The following PLPP1 variants were observed in gnomAD, a reference collection of about 807,000 sequenced individuals.
PLPP1 encodes lipid phosphate phosphohydrolase 1a.
In PLPP1, 24 loss-of-function variants were observed where a neutral mutation model predicts 31.2. That is an observed-to-expected ratio of 0.77 (90% CI 0.56 to 1.08). The LOEUF (loss-of-function observed/expected upper bound fraction) is 1.08, where lower values mean the gene tolerates loss of function less well. Among genes scored for constraint, PLPP1 ranks in the 50% least tolerant of loss-of-function variants. PLPP1 has a pLI of 0.00. For synonymous variants in PLPP1, 146 were observed against 126.3 expected, an observed-to-expected ratio of 1.16 and a Z score of -1.05; for missense variants, 319 against 342.7, an observed-to-expected ratio of 0.93 and a Z score of 0.55.
At chr5:55,527,814 G>A (rs143502466) in intron 1 of PLPP1, among the ~76,000 whole-genome samples, 120 of 149,426 alleles carry the variant, frequency 8.0e-4, no homozygotes, top group African/African-American at 2.8e-3. Flanking sequence ...CTGGCAGAGA[G>A]GGCCATTATT....
intron 2 of PLPP1, among the ~76,000 whole-genome samples, chr5:55,474,927 GTTT>G (rs200581100): frequency 5.3e-5 from 8 of 151,630 alleles, no homozygotes; most frequent in East Asian, 3.9e-4. Context: ...TTCTTTTCGT[GTTT>G]TTTTTCTGTT....
intron 2 of PLPP1, among the ~76,000 whole-genome samples, chr5:55,469,340 T>C (rs1752371344): frequency 6.6e-6 from 1 of 151,634 alleles, no homozygotes; most frequent in African/African-American, 2.4e-5. Flanking sequence ...ATACAAAAAA[T>C]TAGCCAGGAG....
intron 1 of PLPP1, among the ~76,000 whole-genome samples, chr5:55,533,755 A>G (rs1421613351): frequency 6.6e-6 from 1 of 152,230 alleles, no homozygotes; most frequent in East Asian, 1.9e-4. Flanking sequence ...ACAATACATA[A>G]AAAGTGAAAA....
rs746883824 is a variant in PLPP1, at chr5:55,447,642, C to T, written c.492-5734G>A. Among the ~76,000 whole-genome samples the T allele has an allele frequency of 3.7e-4, 56 of 152,226 alleles. 1 individual carries two copies. The highest frequency in any genetic ancestry group is 2.0e-3 in the Admixed American group (30 of 15,284). ...ACTCTTTCTGTGCCATGATTTCACT[C>T]TTGTCAATGGTAGACAGACAAAGAG... is the stretch of plus-strand genomic sequence containing the variant. On this transcript the variant is annotated intron_variant, in intron 3 of 5. Transcript: ENST00000307259.
Position 55,534,837 on chromosome 5 carries a change from C to A in PLPP1, c.-208G>T. The A allele has an allele frequency of 1.8e-6, 1 of 541,194 alleles. No individual in the cohort carries two copies. Among genetic ancestry groups the A allele is most frequent in the Non-Finnish European group, 3.2e-6 (1 of 312,678 alleles). 33.5% of individuals were successfully genotyped at this position (541,194 alleles called of 1,614,324 possible). A position where few individuals can be genotyped will look rare whatever the true frequency, so the allele number is the denominator to read the frequency against. ...GCGCCCGGGGCCCTCCCCTCACAGC[C>A]CCCGCGAACACTCGGTTAGTGCCGA... On this transcript the variant is annotated 5_prime_UTR_variant, in exon 1 of 6. Transcript: ENST00000307259.
chr5:55,450,958 A>C (rs910927029), intron 3 of PLPP1, among the ~76,000 whole-genome samples: 3 of 152,204 alleles, frequency 2.0e-5, no homozygotes, highest in Non-Finnish European at 4.4e-5. Context: ...TTATTGTTTT[A>C]AGAGGCAGGA....
chr5:55,449,558 C>G (rs1422344958), intron 3 of PLPP1, among the ~76,000 whole-genome samples: 1 of 152,142 alleles, frequency 6.6e-6, no homozygotes, highest in East Asian at 1.9e-4. Context: ...ATGCCCAGAA[C>G]CCAGCAGTGA....
intron 3 of PLPP1, among the ~76,000 whole-genome samples, chr5:55,463,712 C>T (rs925858681): frequency 2.7e-5 from 4 of 150,942 alleles, no homozygotes; most frequent in Non-Finnish European, 4.4e-5. Context: ...TTTGGAAGGC[C>T]GAGGCAAGAG....
At chr5:55,481,211 T>G (rs992019) in intron 1 of PLPP1, among the ~76,000 whole-genome samples, 129,691 of 151,708 alleles carry the variant, frequency 0.85, 55,911 homozygotes, top group South Asian at 0.92. Flanking sequence ...AACAGTTTTA[T>G]TTAGAAATAT....
At chr5:55,481,994 AT>A (rs1752675257) in intron 1 of PLPP1, among the ~76,000 whole-genome samples, 2 of 148,574 alleles carry the variant, frequency 1.3e-5, no homozygotes, top group East Asian at 1.9e-4. Flanking sequence ...ATACATATAT[AT>A]ATTTTTATTT....
At chr5:55,513,582 C>G (rs944741563) in intron 1 of PLPP1, among the ~76,000 whole-genome samples, 1 of 151,900 alleles carries the variant, frequency 6.6e-6, no homozygotes, top group African/African-American at 2.4e-5. Flanking sequence ...TATATTAACT[C>G]TTGAAGAAAG....
chr5:55,486,067 A>G (rs1295758906), intron 1 of PLPP1, among the ~76,000 whole-genome samples: 2 of 152,146 alleles, frequency 1.3e-5, no homozygotes, highest in African/African-American at 2.4e-5. Context: ...TCTATGCTTG[A>G]TAAGCTGGGA....
At chr5:55,467,554 A>AAAAAT (rs1752331084) in intron 3 of PLPP1, among the ~76,000 whole-genome samples, 2 of 150,666 alleles carry the variant, frequency 1.3e-5, no homozygotes, top group African/African-American at 4.8e-5. Context: ...AAAAAAAATT[A>AAAAAT]TATATATTAT....
At chr5:55,468,420 A>AT (rs907481700) in intron 2 of PLPP1, 2,159 of 270,914 alleles carry the variant, frequency 8.0e-3, no homozygotes, top group Middle Eastern at 0.018. Flanking sequence ...ACAAGATCTT[A>AT]TTTTTTTTTT....
intron 1 of PLPP1, among the ~76,000 whole-genome samples, chr5:55,508,181 T>C (rs1460424111): frequency 6.6e-6 from 1 of 152,176 alleles, no homozygotes. Context: ...CAGAAGGCCA[T>C]GCCCAGTTCG....
chr5:55,519,762 A>G (rs1196683917), intron 1 of PLPP1, among the ~76,000 whole-genome samples: 1 of 151,178 alleles, frequency 6.6e-6, no homozygotes, highest in Non-Finnish European at 1.5e-5. Context: ...AAAAAAAAAG[A>G]AAAAGAAAAA....
At chr5:55,507,816 AT>A (rs932795336) in intron 1 of PLPP1, among the ~76,000 whole-genome samples, 8 of 150,838 alleles carry the variant, frequency 5.3e-5, no homozygotes, top group Non-Finnish European at 1.2e-4. Context: ...GTCACTGATG[AT>A]TTTTTTAGTC....
intron 3 of PLPP1, among the ~76,000 whole-genome samples, chr5:55,443,177 T>TAAAAA (rs1178247543): frequency 2.7e-4 from 14 of 51,018 alleles, no homozygotes; most frequent in East Asian, 9.9e-4. Context: ...AAGGATTACT[T>TAAAAA]AAAAAAAAAA....
intron 3 of PLPP1, among the ~76,000 whole-genome samples, chr5:55,442,327 G>C (rs939835267): frequency 4.6e-5 from 7 of 152,130 alleles, no homozygotes; most frequent in Admixed American, 4.6e-4. Flanking sequence ...GGAACACTCA[G>C]AAGTTGATTG....
Sources: gnomAD v4.1 joint callset for allele counts (sites outside exome capture counted in the v4.1 genomes callset) on GRCh38, gnomAD v4.1.1 for gene constraint, MANE v1.5 for transcripts, NCBI Gene and HGNC (gene_info 2026-07-23, HGNC 2026-07-21) for gene names.